The following RABGEF1 variants were observed in gnomAD, a reference collection of about 807,000 sequenced individuals.
RABGEF1 encodes RAB guanine nucleotide exchange factor 1.
RABGEF1 carries 26 observed loss-of-function variants against 57.3 expected under a neutral mutation model. The observed-to-expected ratio is 0.45, with a 90% confidence interval of 0.33 to 0.63. The LOEUF is 0.63. Among genes scored for constraint, RABGEF1 ranks in the 20% least tolerant of loss-of-function variants. RABGEF1 has a pLI of 0.02. For missense variants in RABGEF1, 464 were observed against 607.6 expected, an observed-to-expected ratio of 0.76 and a Z score of 2.48; for synonymous variants, 185 against 210.7, an observed-to-expected ratio of 0.88 and a Z score of 1.06.
Position 66,771,885 on chromosome 7 carries a change from G to A in RABGEF1, c.-15G>A. ...ACAGCACTTTCTTGTTTGTTCAGTG[G>A]TTAGCAGGAAGAAGATGAGCCTTAA... On this transcript the variant is annotated splice_region_variant and 5_prime_UTR_variant, in exon 2 of 9. Transcript: ENST00000284957. 7 of 1,479,654 alleles carry A rather than the reference G, an allele frequency of 4.7e-6. No homozygotes were observed. The highest frequency in any genetic ancestry group is 6.3e-6 in the Non-Finnish European group (7 of 1,107,536). 91.7% of individuals were successfully genotyped at this position (1,479,654 alleles called of 1,614,324 possible).
At chr7:66,806,934 G>A (rs888242870) in intron 8 of RABGEF1, among the ~76,000 whole-genome samples, 2 of 152,094 alleles carry the variant, frequency 1.3e-5, no homozygotes, top group Admixed American at 6.6e-5. Context: ...ATGAGCCACC[G>A]CACCTGGCCT....
At chr7:66,706,915 G>T (rs1794186240) in intron 1 of RABGEF1, among the ~76,000 whole-genome samples, 1 of 150,690 alleles carries the variant, frequency 6.6e-6, no homozygotes, top group African/African-American at 2.4e-5. Flanking sequence ...CCGAGTAGCT[G>T]GGACTACAGG....
In RABGEF1 at chr7:66,805,239, A is replaced by G; in HGVS notation, c.920A>G (p.Asn307Ser). The G allele has an allele frequency of 1.9e-6, 3 of 1,614,240 alleles. No individual in the cohort carries two copies. Among genetic ancestry groups the G allele is most frequent in the Non-Finnish European group, 2.5e-6 (3 of 1,180,042 alleles). The stretch of plus-strand genomic sequence containing the variant: ...TTCAATGCCATCAAGATCACCAAGA[A>G]TGAGCCGGCGTCAGCGGATGACTTC... ...HIFNAIKITK[N>S]EPASADDFLP... Residue 307 changes from asparagine (N) to serine (S), a missense_variant, in exon 8 of 9, where the codon AAT (asparagine) becomes AGT (serine). By Grantham distance (46) the Asn-to-Ser change is conservative. Around this residue, in one of 4 missense-constraint regions of RABGEF1, gnomAD observed 284 missense variants for 389.9 expected, o/e 0.73. Transcript: ENST00000284957.
At chr7:66,797,539 C>T (rs1786276475) in intron 6 of RABGEF1, 33 bp downstream of exon 6, 1 of 1,595,416 alleles carries the variant, frequency 6.3e-7, no homozygotes, top group African/African-American at 1.4e-5. Flanking sequence ...TTTGTAGTTA[C>T]TACCTTCTAA....
intron 2 of RABGEF1, among the ~76,000 whole-genome samples, chr7:66,720,023 G>A (rs763147335): frequency 6.6e-6 from 1 of 152,108 alleles, no homozygotes; most frequent in South Asian, 2.1e-4. Flanking sequence ...CAAGTGAAAT[G>A]CGTCCCAGAA....
chr7:66,675,272 A>T, the RABGEF1 span, among the ~76,000 whole-genome samples: 1 of 152,158 alleles, frequency 6.6e-6, no homozygotes, highest in African/African-American at 2.4e-5. Flanking sequence ...TCTGCTAAAA[A>T]TACAAAAATT....
At chr7:66,671,872 A>G in the RABGEF1 span, among the ~76,000 whole-genome samples, 6 of 145,274 alleles carry the variant, frequency 4.1e-5, no homozygotes, top group African/African-American at 1.0e-4. Flanking sequence ...AGCTGAGTGC[A>G]GTGGCATGAG....
At chr7:66,682,367 C>G (rs1156467532) in intron 1 of RABGEF1, 1 of 152,926 alleles carries the variant, frequency 6.5e-6, no homozygotes, top group Non-Finnish European at 1.5e-5. Context: ...AGTTGCGCGT[C>G]GGTGCCTCCC....
chr7:66,755,759 A>T, intron 1 of RABGEF1: 1 of 255,666 alleles, frequency 3.9e-6, no homozygotes, highest in Non-Finnish European at 7.4e-6. Flanking sequence ...AACCAAGGAG[A>T]GCGTGATCTA....
chr7:66,799,385 T>C lies in RABGEF1; in HGVS notation c.791T>C (p.Val264Ala). The change falls in exon 7 of 9, where the codon GTG (valine) becomes GCG (alanine). Residue 264 changes from valine (V) to alanine (A), a missense_variant. By Grantham distance (64) the Val-to-Ala change is moderately conservative (BLOSUM62 0). Coordinates refer to ENST00000284957, the MANE Select transcript of RABGEF1 (RefSeq NM_014504.3). Reference sequence around the variant, plus strand: ...CCTGTTAATGAAGACATCCCAGAAGTGTCTGATATGGTGGTGAAGGCGATC... The same window carrying C: ...CCTGTTAATGAAGACATCCCAGAAGCGTCTGATATGGTGGTGAAGGCGATC... ...CVPVNEDIPE[V>A]SDMVVKAITD... 1 of 1,611,816 alleles carries C rather than the reference T, an allele frequency of 6.2e-7. No individual in the cohort carries two copies. Among genetic ancestry groups the C allele is most frequent in the Non-Finnish European group, 8.5e-7 (1 of 1,177,944 alleles).
At position 66,693,290 on chromosome 7, in the gene RABGEF1, G is replaced by A. The variant is rs148605963; in HGVS notation, c.-873+11032G>A. Among the ~76,000 whole-genome samples the A allele has an allele frequency of 4.4e-3, 664 of 152,264 alleles. 7 individuals carry two copies. The highest frequency in any genetic ancestry group is 0.014 in the African/African-American group (573 of 41,534). On this transcript the variant is annotated intron_variant and NMD_transcript_variant, in intron 1 of 9. Coordinates refer to the RABGEF1 transcript ENST00000607882. ...GTCATGTATGTTTCCACCCCCCAGG[G>A]CACCATCAAAAGTAAATTAACATTT...
chr7:66,734,605 T>G, intron 2 of RABGEF1, among the ~76,000 whole-genome samples: 1 of 150,536 alleles, frequency 6.6e-6, no homozygotes, highest in African/African-American at 2.4e-5. Context: ...TAATTTTTTT[T>G]TTTTTTTTTT....
chr7:66,661,148 A>C, the RABGEF1 span, among the ~76,000 whole-genome samples: 1 of 151,978 alleles, frequency 6.6e-6, no homozygotes, highest in Non-Finnish European at 1.5e-5. Flanking sequence ...AATACAAAAA[A>C]ATTAGCCAGG....
At chr7:66,654,840 A>C in the RABGEF1 span, among the ~76,000 whole-genome samples, 1 of 152,186 alleles carries the variant, frequency 6.6e-6, no homozygotes, top group South Asian at 2.1e-4. Flanking sequence ...CGGCTCCCTT[A>C]ATCCTCACAG....
rs557080998 is a variant in RABGEF1 at position 66,740,944 on chromosome 7, T to A, written c.-18+152T>A. Among the ~76,000 whole-genome samples the A allele has an allele frequency of 2.4e-4, 37 of 152,120 alleles. No homozygotes were observed. The Middle Eastern group carries it at 0.01, about 42-fold the overall frequency. On this transcript the variant is annotated intron_variant, in intron 1 of 8. Transcript: ENST00000284957. Reference sequence around the variant, plus strand: ...GCGCGTCGGTGCCTCCCGCTGTCCTTCGTCCCACATTCCGTCTCCGTCAGC... The same window carrying A: ...GCGCGTCGGTGCCTCCCGCTGTCCTACGTCCCACATTCCGTCTCCGTCAGC...
chr7:66,699,549 G>A (rs1792895958), intron 1 of RABGEF1, among the ~76,000 whole-genome samples: 1 of 152,110 alleles, frequency 6.6e-6, no homozygotes, highest in Admixed American at 6.6e-5. Context: ...AAAATTAGCC[G>A]AGCGTCGTGG....
At chr7:66,682,746 G>C (rs527422513) in intron 1 of RABGEF1, among the ~76,000 whole-genome samples, 1 of 152,358 alleles carries the variant, frequency 6.6e-6, no homozygotes, top group African/African-American at 2.4e-5. Flanking sequence ...GCCCTGGGGG[G>C]ACAGAAGCGT....
At chr7:66,783,933 G>C (rs948794313) in intron 4 of RABGEF1, 92 bp downstream of exon 4, 3 of 1,229,564 alleles carry the variant, frequency 2.4e-6, no homozygotes, top group Non-Finnish European at 3.3e-6. Flanking sequence ...TTTTATGCCT[G>C]AGAAAAATCC....
intron 2 of RABGEF1, among the ~76,000 whole-genome samples, chr7:66,720,694 G>T (rs925915644): frequency 1.3e-5 from 2 of 151,988 alleles, no homozygotes; most frequent in Admixed American, 6.6e-5. Flanking sequence ...AGAGGTTCAA[G>T]CTTGTGCAAT....
Sources: gnomAD v4.1 joint callset for allele counts (sites outside exome capture counted in the v4.1 genomes callset) on GRCh38, gnomAD v4.1.1 for gene constraint, gnomAD v4.1.1 regional missense constraint, MANE v1.5 for transcripts, NCBI Gene and HGNC (gene_info 2026-07-23, HGNC 2026-07-21) for gene names.